Variants in SLC9A9 observed in about 807,000 individuals in gnomAD.
SLC9A9 encodes solute carrier family 9 member A9, also known as sodium/hydrogen exchanger 9.
In SLC9A9, 62 loss-of-function variants were observed where a neutral mutation model predicts 77.8. The observed-to-expected ratio is 0.80, with a 90% confidence interval of 0.65 to 0.98. The LOEUF (loss-of-function observed/expected upper bound fraction) is 0.98. Ranked by LOEUF, SLC9A9 falls within the 50% of genes least tolerant of loss-of-function variation. SLC9A9 has a pLI of 0.00. For synonymous variants in SLC9A9, 320 were observed against 283.5 expected, an observed-to-expected ratio of 1.13 and a Z score of -1.29; for missense variants, 775 against 774.9, an observed-to-expected ratio of 1.00 and a Z score of 0.00.
At chr3:143,370,500 ACATAT>A (rs1286355380) in intron 13 of SLC9A9, among the ~76,000 whole-genome samples, 8 of 152,050 alleles carry the variant, frequency 5.3e-5, no homozygotes, top group East Asian at 3.9e-4. Flanking sequence ...AATGCCTGAC[ACATAT>A]CATAATTCAG....
chr3:143,453,282 G>T (rs754213090), intron 12 of SLC9A9, among the ~76,000 whole-genome samples: 40 of 152,052 alleles, frequency 2.6e-4, no homozygotes, highest in Non-Finnish European at 5.2e-4. Context: ...AGGTTTTAAA[G>T]ACTAGATTAT....
At chr3:143,269,961 C>T (rs1937853016) in intron 14 of SLC9A9, among the ~76,000 whole-genome samples, 1 of 152,190 alleles carries the variant, frequency 6.6e-6, no homozygotes, top group South Asian at 2.1e-4. Context: ...TCTCATGATA[C>T]CCTGAGCATG....
intron 5 of SLC9A9, among the ~76,000 whole-genome samples, chr3:143,663,884 G>A (rs1043373424): frequency 6.6e-6 from 1 of 152,138 alleles, no homozygotes; most frequent in Non-Finnish European, 1.5e-5. Context: ...GGGGAGAATG[G>A]AACCAACTTG....
chr3:143,837,822 C>A (rs916734716), intron 1 of SLC9A9, among the ~76,000 whole-genome samples: 6 of 152,214 alleles, frequency 3.9e-5, no homozygotes, highest in Non-Finnish European at 8.8e-5. Context: ...ACAGGAGAGA[C>A]ACAGAAGAGA....
chr3:143,517,742 T>C, intron 9 of SLC9A9: 1 of 1,598,036 alleles, frequency 6.3e-7, no homozygotes, highest in Non-Finnish European at 8.5e-7. Context: ...AGCACTTGGC[T>C]TCTGTAATTT....
intron 9 of SLC9A9, among the ~76,000 whole-genome samples, chr3:143,512,610 G>A (rs2108606488): frequency 6.6e-6 from 1 of 152,352 alleles, no homozygotes; most frequent in Middle Eastern, 3.4e-3. Flanking sequence ...GGGTGCGGTG[G>A]CTCACGCCTG....
At chr3:143,651,093 TA>T (rs2038787747) in intron 6 of SLC9A9, among the ~76,000 whole-genome samples, 1 of 152,232 alleles carries the variant, frequency 6.6e-6, no homozygotes, top group Non-Finnish European at 1.5e-5. Flanking sequence ...TAAAGAGTTT[TA>T]CTCCAAATGT....
chr3:143,823,482 C>G (rs16854404), intron 2 of SLC9A9, among the ~76,000 whole-genome samples: 3,684 of 152,018 alleles, frequency 0.024, 150 homozygotes, highest in African/African-American at 0.082. Context: ...ATACTGGTGC[C>G]GCAAGACTCA....
At chr3:143,389,847 G>A (rs138413693) in intron 12 of SLC9A9, among the ~76,000 whole-genome samples, 2,563 of 152,256 alleles carry the variant, frequency 0.017, 34 homozygotes, top group South Asian at 0.071. Flanking sequence ...CAGTTTGGAC[G>A]TCTTATTTAA....
At chr3:143,641,614 C>T (rs537088740) in intron 6 of SLC9A9, among the ~76,000 whole-genome samples, 3 of 152,120 alleles carry the variant, frequency 2.0e-5, no homozygotes, top group Admixed American at 6.5e-5. Flanking sequence ...AGGATGGTCT[C>T]GATCTCCTGA....
chr3:143,400,659 C>T (rs2033833354), intron 12 of SLC9A9, among the ~76,000 whole-genome samples: 1 of 150,824 alleles, frequency 6.6e-6, no homozygotes, highest in Admixed American at 6.6e-5. Flanking sequence ...AAGCAAATAC[C>T]ACCTGTTTCC....
intron 4 of SLC9A9, among the ~76,000 whole-genome samples, chr3:143,756,583 T>A (rs1370900572): frequency 6.6e-6 from 1 of 152,234 alleles, no homozygotes; most frequent in Non-Finnish European, 1.5e-5. Flanking sequence ...GTCTTCCACA[T>A]CTGTGCATAA....
At chr3:143,742,839 GGGTT>G (rs1935105565) in intron 4 of SLC9A9, among the ~76,000 whole-genome samples, 1 of 152,006 alleles carries the variant, frequency 6.6e-6, no homozygotes, top group African/African-American at 2.4e-5. Context: ...GTGCGATGGG[GGGTT>G]TGTTTGTAAT....
chr3:143,618,992 C>T (rs2038153154), intron 6 of SLC9A9, among the ~76,000 whole-genome samples: 1 of 152,114 alleles, frequency 6.6e-6, no homozygotes, highest in Non-Finnish European at 1.5e-5. Flanking sequence ...ATAGCTTCCA[C>T]AATCAAGCTC....
intron 2 of SLC9A9, among the ~76,000 whole-genome samples, chr3:143,815,873 A>G (rs770868017): frequency 6.6e-6 from 1 of 151,770 alleles, no homozygotes. Flanking sequence ...TCAAAAAAAC[A>G]AACAAACAAA....
At chr3:143,545,004 C>G (rs2036762087) in intron 9 of SLC9A9, among the ~76,000 whole-genome samples, 2 of 152,008 alleles carry the variant, frequency 1.3e-5, no homozygotes, top group African/African-American at 4.8e-5. Flanking sequence ...TTTCCGGGTT[C>G]TCTATTCTGT....
In SLC9A9 at chr3:143,266,343, TC is replaced by T. The variant is rs1422269753; in HGVS notation, c.*358del. The T allele has an allele frequency of 2.4e-4, 137 of 559,656 alleles. 1 individual carries two copies. Among genetic ancestry groups the T allele is most frequent in the Middle Eastern group, 4.7e-4 (1 of 2,140 alleles). The allele number at this position is 559,656 out of a possible 1,614,324, so 34.7% of individuals were successfully genotyped here. On this transcript the variant is annotated 3_prime_UTR_variant, in exon 16 of 16. Coordinates refer to ENST00000316549, the MANE Select transcript of SLC9A9 (RefSeq NM_173653.4). ...ACTCTCCTTAATGGAGGGAATAAAA[TC>T]CAGAATAGAAGTGAAGGGCCTGGAG...
intron 12 of SLC9A9, among the ~76,000 whole-genome samples, chr3:143,406,407 C>T (rs1311363139): frequency 6.6e-6 from 1 of 151,130 alleles, no homozygotes; most frequent in Non-Finnish European, 1.5e-5. Context: ...GATGGAATCT[C>T]ACTCTTGTCG....
intron 12 of SLC9A9, among the ~76,000 whole-genome samples, chr3:143,395,477 C>T (rs932731717): frequency 1.7e-4 from 26 of 152,170 alleles, no homozygotes; most frequent in Admixed American, 3.9e-4. Context: ...AAATGTTAGA[C>T]CTAAAACCAT....
Sources: gnomAD v4.1 joint callset for allele counts (sites outside exome capture counted in the v4.1 genomes callset) on GRCh38, gnomAD v4.1.1 for gene constraint, MANE v1.5 for transcripts, NCBI Gene and HGNC (gene_info 2026-07-23, HGNC 2026-07-21) for gene names.